The following ERC1 variants were observed in gnomAD, a reference collection of about 807,000 sequenced individuals.
The protein encoded by ERC1 is ELKS/RAB6-interacting/CAST family member 1, also known as RAB6 interacting protein 2.
Under a neutral mutation model 132.0 loss-of-function variants are expected in ERC1, and 56 were observed. The observed-to-expected ratio is 0.42, with a 90% CI of 0.34 to 0.53. ERC1 has a LOEUF of 0.53. Among genes scored for constraint, ERC1 ranks in the 20% least tolerant of loss-of-function variants. The pLI is 0.03. For synonymous variants in ERC1, 478 were observed against 476.1 expected (o/e 1.00, Z -0.05); for missense variants, 1,202 against 1,349.9 (o/e 0.89, Z 1.72).
chr12:1,444,490 T>C lies in ERC1; in HGVS notation c.3025-72T>C, dbSNP rs1049295996. The C allele has an allele frequency of 2.5e-5, 27 of 1,067,790 alleles. No homozygotes were observed. The Admixed American group carries it at 3.6e-4, about 14-fold the overall frequency. The allele number at this position is 1,067,790 out of a possible 1,614,324, so 66.1% of individuals were successfully genotyped here. ...TTGACTTGGAAAGCATAAAGAATATTTGAACCTCTCATTTCAGACTGACCT... is the reference window on the plus strand; with the variant it reads ...TTGACTTGGAAAGCATAAAGAATATCTGAACCTCTCATTTCAGACTGACCT... On this transcript the variant is annotated intron_variant, in intron 17 of 18. Transcript: ENST00000360905.
intron 15 of ERC1, among the ~76,000 whole-genome samples, chr12:1,313,168 A>G (rs925216303): frequency 6.6e-6 from 1 of 151,992 alleles, no homozygotes; most frequent in Non-Finnish European, 1.5e-5. Flanking sequence ...ATGGTGGCAT[A>G]CAGAAGCCTT....
chr12:1,071,829 A>G (rs547892774), intron 2 of ERC1, among the ~76,000 whole-genome samples: 6 of 152,298 alleles, frequency 3.9e-5, no homozygotes, highest in African/African-American at 1.4e-4. Context: ...GGCTGGGCAC[A>G]GTGGCTCACA....
At chr12:1,138,214 TATA>T (rs1311616687) in intron 7 of ERC1, among the ~76,000 whole-genome samples, 1 of 124,482 alleles carries the variant, frequency 8.0e-6, no homozygotes, top group African/African-American at 3.2e-5. Flanking sequence ...ATATATATTA[TATA>T]ATATATATCA....
chr12:1,353,462 C>T lies in ERC1; in HGVS notation c.2781-18371C>T, dbSNP rs1014180213. Reference sequence around the variant, plus strand: ...TAGGGTTACAAAGAGACAGCTCTTTCAGTCTTAATAATTATGCAGGATAAT... The same window carrying T: ...TAGGGTTACAAAGAGACAGCTCTTTTAGTCTTAATAATTATGCAGGATAAT... On this transcript the variant is annotated intron_variant, in intron 15 of 18. Transcript: ENST00000360905. Among the ~76,000 whole-genome samples the T allele has an allele frequency of 6.6e-5, 10 of 152,298 alleles. 1 individual carries two copies. Among genetic ancestry groups the T allele is most frequent in the Admixed American group, 1.3e-4 (2 of 15,298 alleles).
intron 18 of ERC1, among the ~76,000 whole-genome samples, chr12:1,454,686 G>A (rs7977277): frequency 0.11 from 16,541 of 152,178 alleles, 3,043 homozygotes; most frequent in African/African-American, 0.38. Flanking sequence ...CTTCTCAGCT[G>A]TATTTTTCTT....
chr12:1,269,170 G>C (rs750651875), intron 14 of ERC1, among the ~76,000 whole-genome samples: 2 of 152,194 alleles, frequency 1.3e-5, no homozygotes, highest in South Asian at 4.1e-4. Flanking sequence ...TCATGCCTGA[G>C]ACCTTACAGT....
At chr12:1,022,247 T>C (rs1966498183) in intron 1 of ERC1, among the ~76,000 whole-genome samples, 1 of 152,166 alleles carries the variant, frequency 6.6e-6, no homozygotes, top group Non-Finnish European at 1.5e-5. Context: ...TGATCCAGTA[T>C]GCACATGTGC....
chr12:1,285,661 T>C (rs960298548), intron 14 of ERC1, among the ~76,000 whole-genome samples: 5 of 152,130 alleles, frequency 3.3e-5, no homozygotes, highest in African/African-American at 4.8e-5. Flanking sequence ...AATAAAAATT[T>C]TTCCTACAAA....
At chr12:1,085,679 A>G (rs77240141) in intron 3 of ERC1, among the ~76,000 whole-genome samples, 6 of 6,830 alleles carry the variant, frequency 8.8e-4, no homozygotes, top group Admixed American at 3.5e-3. Context: ...TGCCTGGCCC[A>G]TTATTATTAT....
intron 14 of ERC1, among the ~76,000 whole-genome samples, chr12:1,282,763 TA>T (rs2154337145): frequency 6.6e-6 from 1 of 152,362 alleles, no homozygotes; most frequent in Admixed American, 6.5e-5. Flanking sequence ...TTCATAATTA[TA>T]AAACAGTAGG....
At chr12:1,060,162 G>A (rs201898729) in intron 2 of ERC1, among the ~76,000 whole-genome samples, 2 of 134,050 alleles carry the variant, frequency 1.5e-5, no homozygotes, top group Non-Finnish European at 3.4e-5. Context: ...ATGGTGGGAG[G>A]CAAAGGCCAC....
intron 18 of ERC1, among the ~76,000 whole-genome samples, chr12:1,450,624 C>T (rs1202513436): frequency 3.9e-5 from 6 of 152,190 alleles, no homozygotes; most frequent in African/African-American, 1.4e-4. Flanking sequence ...AATACCTTTT[C>T]GAGACTGTGC....
intron 12 of ERC1, among the ~76,000 whole-genome samples, chr12:1,230,003 T>C (rs937044948): frequency 3.7e-5 from 5 of 136,424 alleles, no homozygotes; most frequent in Non-Finnish European, 7.8e-5. Context: ...ACTTTTTGAC[T>C]CTTTTTTTTT....
chr12:1,289,700 C>T (rs1256278523), intron 14 of ERC1, 152 bp from the exon 15 acceptor site: 3 of 597,092 alleles, frequency 5.0e-6, no homozygotes, highest in African/African-American at 3.7e-5. Flanking sequence ...TTGATATATA[C>T]ACACACATAA....
intron 12 of ERC1, among the ~76,000 whole-genome samples, chr12:1,196,973 TATA>T (rs1317482613): frequency 0.034 from 2,325 of 68,508 alleles, 155 homozygotes; most frequent in Non-Finnish European, 0.052. Context: ...TATATATATA[TATA>T]TTTTTTTTTT....
Position 1,440,861 on chromosome 12 carries a change from C to T in ERC1, c.3025-3701C>T, listed in dbSNP as rs139889336. On this transcript the variant is annotated intron_variant, in intron 17 of 18. Transcript: ENST00000360905. Reference sequence around the variant, plus strand: ...AGGTTTCACTGTGTTGGCCAGACTGCTCTCGAACTCCTGTCCCCAAGTGAT... The same window carrying T: ...AGGTTTCACTGTGTTGGCCAGACTGTTCTCGAACTCCTGTCCCCAAGTGAT... Among the ~76,000 whole-genome samples the T allele has an allele frequency of 2.7e-3, 413 of 151,804 alleles. 1 individual carries two copies. Among genetic ancestry groups the T allele is most frequent in the Non-Finnish European group, 4.0e-3 (273 of 67,944 alleles).
At chr12:1,167,748 G>A (rs1289105289) in intron 8 of ERC1, among the ~76,000 whole-genome samples, 2 of 143,178 alleles carry the variant, frequency 1.4e-5, no homozygotes, top group African/African-American at 2.6e-5. Flanking sequence ...ATGGAGTCTC[G>A]CTCTGTTGCC....
At chr12:1,401,428 A>G (rs904825371) in intron 16 of ERC1, among the ~76,000 whole-genome samples, 4 of 152,164 alleles carry the variant, frequency 2.6e-5, no homozygotes, top group East Asian at 1.9e-4. Context: ...ACATGGATGT[A>G]TGGGTTTTTT....
At chr12:1,246,100 A>G (rs1352379394) in intron 13 of ERC1, among the ~76,000 whole-genome samples, 2 of 152,148 alleles carry the variant, frequency 1.3e-5, no homozygotes, top group African/African-American at 2.4e-5. Context: ...TGGGTTATAT[A>G]TGATATACAT....
Sources: gnomAD v4.1 joint callset for allele counts (sites outside exome capture counted in the v4.1 genomes callset) on GRCh38, gnomAD v4.1.1 for gene constraint, MANE v1.5 for transcripts, NCBI Gene and HGNC (gene_info 2026-07-23, HGNC 2026-07-21) for gene names.